Variants in GRB14 observed in about 807,000 individuals in gnomAD.
GRB14 encodes the protein growth factor receptor-bound protein 14.
In GRB14, 38 loss-of-function variants were observed where a neutral mutation model predicts 69.1. The ratio of observed to expected loss-of-function variants is 0.55; its 90% confidence interval spans 0.42 to 0.72. The LOEUF (loss-of-function observed/expected upper bound fraction) is 0.72, where lower values mean the gene tolerates loss of function less well. GRB14 is among the 30% of genes least tolerant of loss of function. The probability of loss-of-function intolerance (pLI) is 0.00; values close to 1 mark genes in which losing one functional copy is unlikely to be tolerated. For missense variants in GRB14, 666 were observed against 666.1 expected, an observed-to-expected ratio of 1.00 and a Z score of 0.00; for synonymous variants, 247 against 241.3, an observed-to-expected ratio of 1.02 and a Z score of -0.22.
intron 2 of GRB14, among the ~76,000 whole-genome samples, chr2:164,616,241 G>C (rs927416355): frequency 6.6e-6 from 1 of 151,714 alleles, no homozygotes; most frequent in Non-Finnish European, 1.5e-5. Context: ...TGGCTAACAC[G>C]GTAAAACCCT....
chr2:164,609,060 T>C (rs1055941257), intron 2 of GRB14, among the ~76,000 whole-genome samples: 8 of 152,202 alleles, frequency 5.3e-5, no homozygotes, highest in Non-Finnish European at 8.8e-5. Context: ...TTGAAAACTT[T>C]GGTAGTCCCC....
intron 2 of GRB14, among the ~76,000 whole-genome samples, chr2:164,577,143 A>C (rs1367758305): frequency 1.3e-5 from 2 of 152,256 alleles, no homozygotes; most frequent in African/African-American, 4.8e-5. Flanking sequence ...AATTGTGGCC[A>C]AATCCTAGAC....
chr2:164,604,825 A>T (rs1690006175), intron 2 of GRB14, among the ~76,000 whole-genome samples: 1 of 152,192 alleles, frequency 6.6e-6, no homozygotes, highest in African/African-American at 2.4e-5. Flanking sequence ...CCATACAAAC[A>T]GAATGCAGAT....
intron 2 of GRB14, among the ~76,000 whole-genome samples, chr2:164,549,011 G>A (rs1688457983): frequency 6.6e-6 from 1 of 151,994 alleles, no homozygotes; most frequent in African/African-American, 2.4e-5. Context: ...CTGAGTAGCT[G>A]GGATTACAGG....
intron 3 of GRB14, among the ~76,000 whole-genome samples, chr2:164,536,073 C>T (rs1688072528): frequency 6.6e-6 from 1 of 152,198 alleles, no homozygotes; most frequent in Non-Finnish European, 1.5e-5. Flanking sequence ...TAAATTCTAT[C>T]TGAGCACAGC....
intron 2 of GRB14, among the ~76,000 whole-genome samples, chr2:164,587,613 T>A (rs1174359624): frequency 6.6e-6 from 1 of 152,150 alleles, no homozygotes; most frequent in Non-Finnish European, 1.5e-5. Context: ...ATAATATTAC[T>A]GCCAATAAGG....
intron 2 of GRB14, among the ~76,000 whole-genome samples, chr2:164,601,949 G>C (rs1558878920): frequency 1.3e-5 from 2 of 151,944 alleles, no homozygotes; most frequent in Non-Finnish European, 2.9e-5. Flanking sequence ...TCAGTGAAAG[G>C]AAACTTTATA....
intron 9 of GRB14, among the ~76,000 whole-genome samples, chr2:164,500,454 G>T (rs1413219524): frequency 6.6e-6 from 1 of 151,982 alleles, no homozygotes; most frequent in Non-Finnish European, 1.5e-5. Flanking sequence ...AAACTTATAT[G>T]TTAATCGCTG....
At chr2:164,592,051 C>T (rs1035062939) in intron 2 of GRB14, among the ~76,000 whole-genome samples, 4 of 152,044 alleles carry the variant, frequency 2.6e-5, no homozygotes, top group African/African-American at 4.8e-5. Context: ...ACCATGATTG[C>T]GAGGCCTCTC....
At position 164,519,417 on chromosome 2, in the gene GRB14, A is replaced by G. The variant is rs1687577374; in HGVS notation, c.816+2563T>C. 2.6e-5 allele frequency among the ~76,000 whole-genome samples: 4 copies of G among 152,224 alleles called. No homozygotes were observed. The South Asian group carries it at 8.3e-4, about 31-fold the overall frequency. ...AGCCAACATTATACTGAATGAGGAA[A>G]GGTTGAAAGCATTCCCCCTGAGAAC... is the stretch of plus-strand genomic sequence containing the variant. On this transcript the variant is annotated intron_variant, in intron 6 of 13. Coordinates refer to ENST00000263915, the MANE Select transcript of GRB14 (RefSeq NM_004490.3).
At chr2:164,557,600 C>A (rs1688713426) in intron 2 of GRB14, among the ~76,000 whole-genome samples, 1 of 152,096 alleles carries the variant, frequency 6.6e-6, no homozygotes, top group South Asian at 2.1e-4. Context: ...GGTTGACTTC[C>A]TTCTCACATT....
rs183343757 is a variant in GRB14 at position 164,520,889 on chromosome 2, G to A, written c.816+1091C>T. ...ATGTTGGTGTGGATGTGGTGAAAAG[G>A]GAATGCTTTTGTGCTGTTGGTGGGA... On this transcript the variant is annotated intron_variant, in intron 6 of 13. Transcript: ENST00000263915. Among the ~76,000 whole-genome samples, 143 of 152,226 alleles carry A rather than the reference G, an allele frequency of 9.4e-4. 1 individual carries two copies. Among genetic ancestry groups the A allele is most frequent in the South Asian group, 9.3e-3 (45 of 4,828 alleles).
Position 164,527,046 on chromosome 2 carries a change from A to G in GRB14, c.571T>C (p.Tyr191His). The change falls in exon 4 of 14, where the codon TAT (tyrosine) becomes CAT (histidine). Residue 191 changes from tyrosine to histidine, a missense_variant. By Grantham distance (83) the Tyr-to-His change is moderately conservative. Transcript: ENST00000263915. ...TTTTTAAAGAACTCATATTTGGCATAATTTTTTCTAAAGTATAGTTTGTTT... is the reference window on the plus strand; with the variant it reads ...TTTTTAAAGAACTCATATTTGGCATGATTTTTTCTAAAGTATAGTTTGTTT... ...EENKLYFRKN[Y>H]AKYEFFKNPM... The G allele has an allele frequency of 6.3e-7, 1 of 1,598,974 alleles. No individual in the cohort carries two copies. Among genetic ancestry groups the G allele is most frequent in the South Asian group, 1.1e-5 (1 of 90,410 alleles).
At chr2:164,498,653 G>C (rs977912357) in intron 9 of GRB14, among the ~76,000 whole-genome samples, 2 of 152,088 alleles carry the variant, frequency 1.3e-5, no homozygotes, top group Non-Finnish European at 2.9e-5. Context: ...CTGCATCTGG[G>C]GCCCCCTGGC....
In GRB14 at chr2:164,544,900, A is replaced by T. The variant is rs150805927; in HGVS notation, c.481+2760T>A. Among the ~76,000 whole-genome samples, 4 of 152,342 alleles carry T rather than the reference A, an allele frequency of 2.6e-5. No individual in the cohort carries two copies. The East Asian group carries it at 7.7e-4, about 29-fold the overall frequency. On this transcript the variant is annotated intron_variant, in intron 3 of 13. Transcript: ENST00000263915. ...TTCAGGGAATGCATGTAGTGTTCAA[A>T]AAAACCACTTCCCAAATCTTTAAAA...
At chr2:164,569,307 TAAC>T in intron 2 of GRB14, among the ~76,000 whole-genome samples, 1 of 152,136 alleles carries the variant, frequency 6.6e-6, no homozygotes, top group Non-Finnish European at 1.5e-5. Context: ...AAAACATCTA[TAAC>T]TAACAAGAAA....
At chr2:164,589,800 CTA>C (rs1164578587) in intron 2 of GRB14, among the ~76,000 whole-genome samples, 2 of 152,270 alleles carry the variant, frequency 1.3e-5, no homozygotes, top group East Asian at 3.9e-4. Flanking sequence ...ACTTGGACCA[CTA>C]TAACAAAGCA....
intron 8 of GRB14, among the ~76,000 whole-genome samples, chr2:164,506,623 C>T (rs1034258672): frequency 1.3e-5 from 2 of 152,082 alleles, no homozygotes; most frequent in Non-Finnish European, 2.9e-5. Flanking sequence ...CCCCCAAAAT[C>T]GAAAACCTGT....
chr2:164,619,936 T>G, intron 1 of GRB14, 117 bp from the exon 2 acceptor site: 1 of 780,852 alleles, frequency 1.3e-6, no homozygotes, highest in Admixed American at 2.7e-5. Context: ...AAGGCTCATA[T>G]TATATAAAGT....
Sources: allele counts gnomAD v4.1 joint callset (sites outside exome capture counted in the v4.1 genomes callset), GRCh38; gene constraint gnomAD v4.1.1; transcripts MANE v1.5; gene names NCBI Gene and HGNC (gene_info 2026-07-23, HGNC 2026-07-21).